CHD1L: variants seen among roughly 807,000 people sequenced by gnomAD.
The protein encoded by CHD1L is chromodomain helicase DNA binding protein 1 like, also known as ATP-dependent chromatin remodeler CHD1L.
In CHD1L, 118 loss-of-function variants were observed where a neutral mutation model predicts 115.9. The observed-to-expected ratio is 1.02, with a 90% CI of 0.88 to 1.19. CHD1L has a LOEUF of 1.19. Ranked by LOEUF, CHD1L falls within the 50% of genes most tolerant of loss-of-function variation. CHD1L has a pLI of 0.00. For synonymous variants in CHD1L, 411 were observed against 387.1 expected, an observed-to-expected ratio of 1.06 and a Z score of -0.72; for missense variants, 1,179 against 1,065.3, an observed-to-expected ratio of 1.11 and a Z score of -1.49.
chr1:147,291,274 G>A (rs1553970252), intron 19 of CHD1L, among the ~76,000 whole-genome samples: 1 of 152,124 alleles, frequency 6.6e-6, no homozygotes, highest in Non-Finnish European at 1.5e-5. Context: ...TGTTTGAGGA[G>A]CATTAAATTA....
At chr1:147,255,480 G>C (rs1442266256) in intron 3 of CHD1L, among the ~76,000 whole-genome samples, 10 of 152,190 alleles carry the variant, frequency 6.6e-5, no homozygotes, top group African/African-American at 2.4e-4. Flanking sequence ...GCCCGCCTTA[G>C]CTTCCCAAAG....
chr1:147,284,398 A>T lies in CHD1L; in HGVS notation c.1753A>T (p.Ser585Cys). 1 of 1,607,630 alleles carries T rather than the reference A, an allele frequency of 6.2e-7. No homozygotes were observed. Among genetic ancestry groups the T allele is most frequent in the East Asian group, 2.2e-5 (1 of 44,792 alleles). ...FEGKDYSKEP[S>C]KEDRKSFEQL... Reference sequence around the variant, plus strand: ...AGGTAAAGATTATTCTAAAGAGCCCAGTAAGGAAGACAGAAAATCATTTGA... The same window carrying T: ...AGGTAAAGATTATTCTAAAGAGCCCTGTAAGGAAGACAGAAAATCATTTGA... Residue 585 changes from serine (S) to cysteine (C), a missense_variant, in exon 16 of 23, where the codon AGT becomes TGT. Ser to Cys is a moderately radical substitution (Grantham distance 112). Coordinates refer to ENST00000369258, the MANE Select transcript of CHD1L (RefSeq NM_004284.6).
chr1:147,188,572 A>C, the CHD1L span, among the ~76,000 whole-genome samples: 2 of 151,522 alleles, frequency 1.3e-5, no homozygotes, highest in Non-Finnish European at 2.9e-5. Flanking sequence ...AAGGTTTCAC[A>C]AAAGAGGTTC....
chr1:147,228,256 G>A, the CHD1L span, among the ~76,000 whole-genome samples: 6 of 151,124 alleles, frequency 4.0e-5, no homozygotes, highest in Admixed American at 6.6e-5. Context: ...GAGAACATGC[G>A]GTGTTTGGTT....
chr1:147,231,082 C>T, the CHD1L span, among the ~76,000 whole-genome samples: 1 of 152,098 alleles, frequency 6.6e-6, no homozygotes, highest in Non-Finnish European at 1.5e-5. Context: ...TTCTCTAGTT[C>T]TTTTAATTGT....
rs782723083 is a variant in CHD1L at position 147,294,463 on chromosome 1, G to T, written c.2561G>T (p.Gly854Val). 1 of 1,613,266 alleles carries T rather than the reference G, an allele frequency of 6.2e-7. No individual in the cohort carries two copies. The highest frequency in any genetic ancestry group is 2.2e-5 in the East Asian group (1 of 44,830). ...GHATKGFNWYGTERLIRKHLA... is the reference protein window; with the variant it reads ...GHATKGFNWYVTERLIRKHLA... ...GCCACGAAAGGTTTTAACTGGTATG[G>T]TACTGAGCGACTTATTCGGAAACAT... The change falls in exon 22 of 23, where the codon GGT becomes GTT. Residue 854 changes from glycine to valine, a missense_variant. Gly to Val is a moderately radical substitution (Grantham distance 109). Transcript: ENST00000369258.
At chr1:147,277,176 T>C (rs587634202) in intron 14 of CHD1L, among the ~76,000 whole-genome samples, 1 of 152,140 alleles carries the variant, frequency 6.6e-6, no homozygotes, top group South Asian at 2.1e-4. Context: ...TTAGTCAGAG[T>C]GTGCAGTAAA....
At chr1:147,279,597 C>G (rs192401631) in intron 14 of CHD1L, among the ~76,000 whole-genome samples, 1,603 of 152,216 alleles carry the variant, frequency 0.011, 11 homozygotes, top group Middle Eastern at 0.02. Flanking sequence ...AGGTAAAGTT[C>G]CTAGTGTAGC....
At chr1:147,289,567 C>G (rs1043291224) in intron 19 of CHD1L, among the ~76,000 whole-genome samples, 4 of 152,102 alleles carry the variant, frequency 2.6e-5, no homozygotes, top group African/African-American at 9.7e-5. Context: ...GTGCAGTTTT[C>G]TCTGAAGGAG....
At chr1:147,275,106 T>C (rs587721101) in intron 12 of CHD1L, among the ~76,000 whole-genome samples, 4 of 152,318 alleles carry the variant, frequency 2.6e-5, no homozygotes, top group Admixed American at 1.3e-4. Context: ...CTTGGCCACT[T>C]GCCCCTGCTC....
chr1:147,255,733 G>T lies in CHD1L; in HGVS notation c.348-80G>T, dbSNP rs17160051. On this transcript the variant is annotated intron_variant, in intron 3 of 22. Transcript: ENST00000369258. ...GTTCTGTACATTGCAATCCTCCCAT[G>T]AAATGTAATTTTCCAGATATGCACA... is the stretch of plus-strand genomic sequence containing the variant. The T allele has an allele frequency of 0.22, 213,251 of 957,478 alleles. 25,026 individuals are homozygous for T. The highest frequency in any genetic ancestry group is 0.25 in the Middle Eastern group (818 of 3,298). 59.3% of individuals were successfully genotyped at this position (957,478 alleles called of 1,614,324 possible). A position where few individuals can be genotyped will look rare whatever the true frequency, so the allele number is the denominator to read the frequency against.
At chr1:147,273,359 T>C (rs1170772017) in intron 12 of CHD1L, among the ~76,000 whole-genome samples, 4 of 152,224 alleles carry the variant, frequency 2.6e-5, no homozygotes, top group Non-Finnish European at 4.4e-5. Flanking sequence ...TTCAGTCTTA[T>C]TTAGAAAGCT....
chr1:147,242,682 G>T, upstream of CHD1L: 1 of 1,265,172 alleles, frequency 7.9e-7, no homozygotes, highest in African/African-American at 1.5e-5. Flanking sequence ...TGGCCGCGCG[G>T]GGCGGGGCCT....
the CHD1L span, chr1:147,179,145 T>C: frequency 1.2e-6 from 2 of 1,614,046 alleles, no homozygotes; most frequent in Non-Finnish European, 1.7e-6. Context: ...ATTTCTCGCG[T>C]GATGGGAATG....
intron 15 of CHD1L, among the ~76,000 whole-genome samples, chr1:147,282,847 A>G (rs1681448363): frequency 6.6e-6 from 1 of 152,208 alleles, no homozygotes; most frequent in African/African-American, 2.4e-5. Context: ...TAGACAGTCC[A>G]ACTGCCAGAA....
intron 15 of CHD1L, among the ~76,000 whole-genome samples, chr1:147,281,051 G>A (rs1553961642): frequency 1.3e-5 from 2 of 152,140 alleles, no homozygotes; most frequent in Non-Finnish European, 1.5e-5. Flanking sequence ...CTATAGGACC[G>A]TGAATTTCCA....
chr1:147,280,230 C>A, intron 15 of CHD1L, 39 bp downstream of exon 15: 2 of 1,518,068 alleles, frequency 1.3e-6, no homozygotes, highest in Non-Finnish European at 1.8e-6. Context: ...GGCACAACCA[C>A]CCCAAGCTAG....
At chr1:147,275,282 C>G (rs1301012285) in intron 12 of CHD1L, 72 bp from the exon 13 acceptor site, 3 of 1,137,600 alleles carry the variant, frequency 2.6e-6, no homozygotes, top group Non-Finnish European at 4.0e-6. Context: ...CTGACCCACT[C>G]TAGCCTTGTG....
chr1:147,191,150 G>T, the CHD1L span, among the ~76,000 whole-genome samples: 2 of 152,140 alleles, frequency 1.3e-5, no homozygotes, highest in Non-Finnish European at 2.9e-5. Context: ...ACATACGTGT[G>T]CATGTGTCTT....
Sources: allele counts gnomAD v4.1 joint callset (sites outside exome capture counted in the v4.1 genomes callset), GRCh38; gene constraint gnomAD v4.1.1; transcripts MANE v1.5; gene names NCBI Gene and HGNC (gene_info 2026-07-23, HGNC 2026-07-21).